The following IL1RAP variants were observed in gnomAD, a reference collection of about 807,000 sequenced individuals.
IL1RAP encodes interleukin-1 receptor accessory protein.
A neutral mutation model predicts 60.7 loss-of-function variants in IL1RAP; 35 were observed. The ratio of observed to expected loss-of-function variants is 0.58; its 90% CI spans 0.44 to 0.76. The LOEUF (loss-of-function observed/expected upper bound fraction) is 0.76, where lower values mean the gene tolerates loss of function less well. Ranked by LOEUF, IL1RAP falls within the 30% of genes least tolerant of loss-of-function variation. The pLI, the probability that IL1RAP is intolerant of heterozygous loss-of-function variation, is 0.00. For missense variants in IL1RAP, 572 were observed against 693.9 expected, an observed-to-expected ratio of 0.82 and a Z score of 1.97; for synonymous variants, 268 against 250.9, an observed-to-expected ratio of 1.07 and a Z score of -0.64.
chr3:190,562,499 AGT>A (rs1725978228), intron 2 of IL1RAP, among the ~76,000 whole-genome samples: 1 of 152,080 alleles, frequency 6.6e-6, no homozygotes, highest in South Asian at 2.1e-4. Context: ...ATGATACTAA[AGT>A]GTCTTGCTGG....
At chr3:190,563,934 T>A (rs1577602208) in intron 2 of IL1RAP, 1 of 174,246 alleles carries the variant, frequency 5.7e-6, no homozygotes, top group Non-Finnish European at 1.2e-5. Flanking sequence ...AAAAAGAGAG[T>A]TGTGGAGCCA....
chr3:190,571,033 G>C (rs1726876835), intron 3 of IL1RAP, among the ~76,000 whole-genome samples: 1 of 152,044 alleles, frequency 6.6e-6, no homozygotes, highest in Non-Finnish European at 1.5e-5. Flanking sequence ...TGCCAATTAC[G>C]TTTCCTCAGT....
intron 1 of IL1RAP, among the ~76,000 whole-genome samples, chr3:190,547,591 G>A (rs1164651485): frequency 6.6e-6 from 1 of 152,192 alleles, no homozygotes; most frequent in Non-Finnish European, 1.5e-5. Context: ...AGGGACAAAA[G>A]TGGGGATTGG....
At chr3:190,621,242 T>C (rs1731753367) in intron 6 of IL1RAP, among the ~76,000 whole-genome samples, 1 of 152,198 alleles carries the variant, frequency 6.6e-6, no homozygotes, top group Non-Finnish European at 1.5e-5. Context: ...GTGAGTTACT[T>C]GAAGAAGTAA....
chr3:190,647,791 A>G (rs1734121415), intron 11 of IL1RAP, among the ~76,000 whole-genome samples: 1 of 152,328 alleles, frequency 6.6e-6, no homozygotes, highest in African/African-American at 2.4e-5. Context: ...GAGGTATCCA[A>G]CAATAGAGAG....
chr3:190,566,198 A>G (rs1726381604), intron 3 of IL1RAP, among the ~76,000 whole-genome samples: 1 of 152,138 alleles, frequency 6.6e-6, no homozygotes, highest in Non-Finnish European at 1.5e-5. Context: ...ACATAGACAC[A>G]TAGCAGATGC....
At chr3:190,549,927 C>T (rs2108586256) in intron 1 of IL1RAP, among the ~76,000 whole-genome samples, 1 of 152,302 alleles carries the variant, frequency 6.6e-6, no homozygotes, top group Admixed American at 6.5e-5. Context: ...TGGATGGCTA[C>T]TCATCTAGAA....
At chr3:190,540,489 TG>T (rs2108560771) in intron 1 of IL1RAP, among the ~76,000 whole-genome samples, 2 of 152,242 alleles carry the variant, frequency 1.3e-5, no homozygotes, top group South Asian at 4.1e-4. Context: ...ACCATTTATT[TG>T]TTCTCATGGA....
downstream of IL1RAP, chr3:190,655,925 G>T (rs1284134398): frequency 6.5e-7 from 1 of 1,537,342 alleles, no homozygotes; most frequent in Non-Finnish European, 8.7e-7. Context: ...ATTCAGAGAA[G>T]CAGAAGGATG....
intron 4 of IL1RAP, 47 bp downstream of exon 4, chr3:190,604,460 G>A: frequency 6.3e-7 from 1 of 1,581,076 alleles, no homozygotes; most frequent in Non-Finnish European, 8.6e-7. Context: ...TTTAGTTTCT[G>A]GGCTCTTTTC....
intron 9 of IL1RAP, among the ~76,000 whole-genome samples, chr3:190,631,630 C>G (rs1185484825): frequency 6.6e-6 from 1 of 152,046 alleles, no homozygotes; most frequent in Non-Finnish European, 1.5e-5. Flanking sequence ...AATTTATTAG[C>G]AAAGCATTAT....
At chr3:190,569,422 G>A (rs1213586902) in intron 3 of IL1RAP, among the ~76,000 whole-genome samples, 1 of 152,104 alleles carries the variant, frequency 6.6e-6, no homozygotes, top group Non-Finnish European at 1.5e-5. Context: ...CCCATGGCTG[G>A]TCATCCTGAA....
intron 5 of IL1RAP, among the ~76,000 whole-genome samples, chr3:190,613,332 C>T (rs1730984112): frequency 6.6e-6 from 1 of 152,158 alleles, no homozygotes; most frequent in Non-Finnish European, 1.5e-5. Flanking sequence ...TTGCTGATGT[C>T]TGTGAGACAT....
intron 3 of IL1RAP, among the ~76,000 whole-genome samples, chr3:190,577,731 T>A (rs1262791855): frequency 6.6e-6 from 1 of 152,062 alleles, no homozygotes; most frequent in Non-Finnish European, 1.5e-5. Flanking sequence ...GGGGTCTCGC[T>A]ATGTTGCCCA....
chr3:190,573,095 C>CAT (rs1727130518), intron 3 of IL1RAP, among the ~76,000 whole-genome samples: 5 of 52,084 alleles, frequency 9.6e-5, no homozygotes, highest in Non-Finnish European at 1.9e-4. Flanking sequence ...GATCTCCTGA[C>CAT]CTCGTGATCC....
chr3:190,534,913 T>TAAAAAAAAAA (rs77663032), intron 1 of IL1RAP, among the ~76,000 whole-genome samples: 1 of 127,528 alleles, frequency 7.8e-6, no homozygotes, highest in African/African-American at 3.0e-5. Flanking sequence ...GTAAGAGAAT[T>TAAAAAAAAAA]AAAAAAAAAA....
At chr3:190,540,224 A>C (rs983272478) in intron 1 of IL1RAP, among the ~76,000 whole-genome samples, 3 of 151,960 alleles carry the variant, frequency 2.0e-5, no homozygotes, top group Non-Finnish European at 2.9e-5. Flanking sequence ...TTTCCCATTC[A>C]CATATCCCTC....
At chr3:190,555,569 GC>G (rs1376021564) in intron 1 of IL1RAP, among the ~76,000 whole-genome samples, 3 of 152,276 alleles carry the variant, frequency 2.0e-5, no homozygotes, top group East Asian at 3.9e-4. Context: ...GCCTGGAACA[GC>G]CTTTCCATTT....
chr3:190,547,362 A>G (rs1162792489), intron 1 of IL1RAP, among the ~76,000 whole-genome samples: 1 of 152,152 alleles, frequency 6.6e-6, no homozygotes, highest in East Asian at 1.9e-4. Context: ...GTGGGTGCGC[A>G]TTGCCATCTG....
Sources: gnomAD v4.1 joint callset for allele counts (sites outside exome capture counted in the v4.1 genomes callset) on GRCh38, gnomAD v4.1.1 for gene constraint, MANE v1.5 for transcripts, NCBI Gene and HGNC (gene_info 2026-07-23, HGNC 2026-07-21) for gene names.